LRG1: variants seen among roughly 807,000 people sequenced by gnomAD.
LRG1 encodes the protein leucine rich alpha-2-glycoprotein 1.
LRG1 carries 1 observed loss-of-function variant against 2.4 expected under a neutral mutation model. The observed-to-expected ratio is 0.41, with a 90% CI of 0.15 to 1.95. LRG1 has a LOEUF of 1.95. Among genes scored for constraint, LRG1 ranks in the 30% most tolerant of loss-of-function variants. The probability of loss-of-function intolerance (pLI) is 0.30; values close to 1 mark genes in which losing one functional copy is unlikely to be tolerated. For synonymous variants in LRG1, 226 were observed against 210.6 expected (o/e 1.07, Z -0.63); for missense variants, 425 against 436.9 (o/e 0.97, Z 0.24).
rs1354717879 is a variant in LRG1, at chr19:4,537,631, G to C, written c.*309C>G. Reference sequence around the variant, plus strand: ...CGCCCAGGCTAGAGTGCAGTGGCACGATCTTGGCTCACCGCAAGCTCCGCC... The same window carrying C: ...CGCCCAGGCTAGAGTGCAGTGGCACCATCTTGGCTCACCGCAAGCTCCGCC... On this transcript the variant is annotated 3_prime_UTR_variant, in exon 2 of 2. Transcript: ENST00000306390. 2 of 355,188 alleles carry C rather than the reference G, an allele frequency of 5.6e-6. No homozygotes were observed. Among genetic ancestry groups the C allele is most frequent in the Admixed American group, 8.8e-5 (2 of 22,720 alleles). 22.0% of individuals were successfully genotyped at this position (355,188 alleles called of 1,614,324 possible).
At position 4,540,024 on chromosome 19, in the gene LRG1, C is replaced by A. The variant is rs773810812; in HGVS notation, c.-11G>T. 3.1e-6 allele frequency: 5 copies of A among 1,613,948 alleles called. No homozygotes were observed. In the South Asian group the frequency reaches 5.5e-5, roughly 18 times the overall value. On this transcript the variant is annotated 5_prime_UTR_variant, in exon 1 of 2. Transcript: ENST00000306390. Reference sequence around the variant, plus strand: ...GCTCCAAGAGGACATGGTAGCTCTGCTCTTTTGCTTCTGGGTTGTCCTGGC... The same window carrying A: ...GCTCCAAGAGGACATGGTAGCTCTGATCTTTTGCTTCTGGGTTGTCCTGGC...
rs907857751 is a variant in LRG1, at chr19:4,537,805, G to C, written c.*135C>G. On this transcript the variant is annotated 3_prime_UTR_variant, in exon 2 of 2. Coordinates refer to ENST00000306390, the MANE Select transcript of LRG1 (RefSeq NM_052972.3). ...GATGGTCTCGATCTCCTGACCTCGT[G>C]ATCCGCCCACCTGGGCCTCCCAAAG... The C allele has an allele frequency of 2.2e-6, 2 of 924,024 alleles. No homozygotes were observed. The highest frequency in any genetic ancestry group is 5.3e-5 in the East Asian group (2 of 37,694). 57.2% of individuals were successfully genotyped at this position (924,024 alleles called of 1,614,324 possible).
In LRG1 at chr19:4,537,855, C is replaced by T; in HGVS notation, c.*85G>A. 1 of 1,468,754 alleles carries T rather than the reference C, an allele frequency of 6.8e-7. No individual in the cohort carries two copies. The highest frequency in any genetic ancestry group is 9.1e-7 in the Non-Finnish European group (1 of 1,100,996). 91.0% of individuals were successfully genotyped at this position (1,468,754 alleles called of 1,614,324 possible). On this transcript the variant is annotated 3_prime_UTR_variant, in exon 2 of 2. Coordinates refer to ENST00000306390, the MANE Select transcript of LRG1 (RefSeq NM_052972.3). ...GTGCTGGGATTACAGGCGTGAGCCCCCGCACCCGGCCAAAGGCAGGATTAT... is the reference window on the plus strand; with the variant it reads ...GTGCTGGGATTACAGGCGTGAGCCCTCGCACCCGGCCAAAGGCAGGATTAT...
Position 4,538,421 on chromosome 19 carries a change from G to A in LRG1, c.563C>T (p.Thr188Ile), listed in dbSNP as rs1976973234. 2 of 1,614,020 alleles carry A rather than the reference G, an allele frequency of 1.2e-6. No individual in the cohort carries two copies. Among genetic ancestry groups the A allele is most frequent in the Non-Finnish European group, 1.7e-6 (2 of 1,180,050 alleles). ...CCCAAGGTCAAGGGTGCGCAGGAGG[G>A]TGAAGTTGGCCAGCAGCCCGGGGGG... is the stretch of plus-strand genomic sequence containing the variant. ...KLPPGLLANFTLLRTLDLGEN... is the reference protein window; with the variant it reads ...KLPPGLLANFILLRTLDLGEN... The change falls in exon 2 of 2, where the codon ACC (threonine) becomes ATC (isoleucine). Residue 188 changes from threonine to isoleucine, a missense_variant. By Grantham distance (89) the Thr-to-Ile change is moderately conservative (BLOSUM62 -1). Coordinates refer to ENST00000306390, the MANE Select transcript of LRG1 (RefSeq NM_052972.3).
In LRG1 at chr19:4,538,296, C is replaced by G. The variant is rs537059680; in HGVS notation, c.688G>C (p.Asp230His). Residue 230 changes from aspartate to histidine, a missense_variant, in exon 2 of 2, where the codon GAT (aspartate) becomes CAT (histidine). Physicochemically the swap from Asp to His is moderately conservative, Grantham distance 81. Transcript: ENST00000306390. ...EGNKLQVLGK[D>H]LLLPQPDLRY... ...AGGTCCGGCTGCGGCAAGAGGAGATCTTTTCCCAGTACTTGCAATTTGTTG... is the reference window on the plus strand; with the variant it reads ...AGGTCCGGCTGCGGCAAGAGGAGATGTTTTCCCAGTACTTGCAATTTGTTG... 99 of 1,614,248 alleles carry G rather than the reference C, an allele frequency of 6.1e-5. No homozygotes were observed. In the African/African-American group the frequency reaches 1.1e-3, roughly 19 times the overall value.
chr19:4,537,862 C>T lies in LRG1; in HGVS notation c.*78G>A, dbSNP rs1352351051. ...GATTACAGGCGTGAGCCCCCGCACCCGGCCAAAGGCAGGATTATTTGTTAA... is the reference window on the plus strand; with the variant it reads ...GATTACAGGCGTGAGCCCCCGCACCTGGCCAAAGGCAGGATTATTTGTTAA... On this transcript the variant is annotated 3_prime_UTR_variant, in exon 2 of 2. Transcript: ENST00000306390. 1.5e-5 allele frequency: 23 copies of T among 1,495,698 alleles called. No individual in the cohort carries two copies. Among genetic ancestry groups the T allele is most frequent in the Admixed American group, 8.4e-5 (4 of 47,542 alleles). 92.7% of individuals were successfully genotyped at this position (1,495,698 alleles called of 1,614,324 possible).
In LRG1 at chr19:4,538,098, T is replaced by C. The variant is rs573940718; in HGVS notation, c.886A>G (p.Ile296Val). 1 of 1,614,154 alleles carries C rather than the reference T, an allele frequency of 6.2e-7. No homozygotes were observed. The highest frequency in any genetic ancestry group is 1.1e-5 in the South Asian group (1 of 91,086). ...PNWDMRDGFD[I>V]SGNPWICDQN... is the part of the protein sequence containing the mutation. ...TCACAGATCCAGGGGTTGCCGGAGA[T>C]GTCGAAGCCATCCCGCATGTCCCAG... Residue 296 changes from isoleucine (I) to valine (V), a missense_variant, in exon 2 of 2, where the codon ATC (isoleucine) becomes GTC (valine). Coordinates refer to ENST00000306390, the MANE Select transcript of LRG1 (RefSeq NM_052972.3).
intron 1 of LRG1, among the ~76,000 whole-genome samples, chr19:4,539,428 C>A (rs542331208): frequency 2.0e-3 from 305 of 152,340 alleles, no homozygotes; most frequent in Non-Finnish European, 3.5e-3. Flanking sequence ...GCTCTGGGAT[C>A]CTGGTCTTTT....
Position 4,537,991 on chromosome 19 carries a change from C to T in LRG1, c.993G>A (p.Gly331=). ...GCGTCTGGCCCTTCACGGCTTCAGG[C>T]CCAGCACAGCGCGTGTCATTCTGGG... The part of the protein sequence containing the change: ...MFSQNDTRCA[G]PEAVKGQTLL... The change falls in exon 2 of 2, where the codon GGG becomes GGA. Residue 331 remains glycine, a synonymous_variant. Transcript: ENST00000306390. 1.2e-6 allele frequency: 2 copies of T among 1,613,800 alleles called. No homozygotes were observed. Among genetic ancestry groups the T allele is most frequent in the Non-Finnish European group, 1.7e-6 (2 of 1,180,026 alleles).
At chr19:4,539,853 AG>A in intron 1 of LRG1, 128 bp downstream of exon 1, 1 of 1,056,280 alleles carries the variant, frequency 9.5e-7, no homozygotes, top group South Asian at 1.3e-5. Context: ...GTCACAGATA[AG>A]GTTGATCTGT....
At chr19:4,539,952 C>A in intron 1 of LRG1, 30 bp downstream of exon 1, 2 of 1,614,104 alleles carry the variant, frequency 1.2e-6, no homozygotes, top group Non-Finnish European at 1.7e-6. Context: ...GCGTTCAAAC[C>A]TGCCTAGGAC....
In LRG1 at chr19:4,538,142, G is replaced by T; in HGVS notation, c.842C>A (p.Ala281Glu). 1 of 1,614,092 alleles carries T rather than the reference G, an allele frequency of 6.2e-7. No individual in the cohort carries two copies. Among genetic ancestry groups the T allele is most frequent in the East Asian group, 2.2e-5 (1 of 44,884 alleles). The part of the protein sequence containing the change: ...SLASVPEGLW[A>E]SLGQPNWDMR... ...GTCCCAGTTTGGCTGCCCTAGGGAT[G>T]CCCAGAGCCCCTCGGGCACGCTGGC... Residue 281 changes from alanine (A) to glutamate (E), a missense_variant, in exon 2 of 2, where the codon GCA (alanine) becomes GAA (glutamate). Physicochemically the swap from Ala to Glu is moderately radical, Grantham distance 107 (BLOSUM62 -1). Transcript: ENST00000306390.
intron 1 of LRG1, 57 bp downstream of exon 1, chr19:4,539,925 T>C (rs1976992700): frequency 1.2e-6 from 2 of 1,604,950 alleles, no homozygotes; most frequent in Non-Finnish European, 1.7e-6. Flanking sequence ...GAATGTCCTG[T>C]ATCTCCGCAT....
rs1976951619 is a variant in LRG1, at chr19:4,536,852, GCCC to G, written c.*1085_*1087del. The G allele has an allele frequency of 6.7e-6, 1 of 148,436 alleles. No homozygotes were observed. The highest frequency in any genetic ancestry group is 1.9e-4 in the East Asian group (1 of 5,192). The allele number at this position is 148,436 out of a possible 1,614,324, so 9.2% of individuals were successfully genotyped here. On this transcript the variant is annotated 3_prime_UTR_variant, in exon 2 of 2. Transcript: ENST00000306390. ...CTGCTCATCCCTTCAGCCCCATCCT[GCCC>G]CTGCAACCTTGCCCGGGGGCAGGTG...
In LRG1 at chr19:4,536,555, C is replaced by G. The variant is rs1290278271; in HGVS notation, c.*1385G>C. Reference sequence around the variant, plus strand: ...TCCCAAGTAGCTGGTATTACAGGCACGTGCCACTGTGCCTGGCTAATTTTT... The same window carrying G: ...TCCCAAGTAGCTGGTATTACAGGCAGGTGCCACTGTGCCTGGCTAATTTTT... On this transcript the variant is annotated 3_prime_UTR_variant, in exon 2 of 2. Transcript: ENST00000306390. The G allele has an allele frequency of 6.6e-6, 1 of 152,226 alleles. No individual in the cohort carries two copies. Among genetic ancestry groups the G allele is most frequent in the Non-Finnish European group, 1.5e-5 (1 of 68,090 alleles). The allele number at this position is 152,226 out of a possible 1,614,324, so 9.4% of individuals were successfully genotyped here.
In LRG1 at chr19:4,538,823, A is replaced by T. The variant is rs773181943; in HGVS notation, c.161T>A (p.Ile54Asn). 1 of 1,600,740 alleles carries T rather than the reference A, an allele frequency of 6.2e-7. No homozygotes were observed. The change falls in exon 2 of 2, where the codon ATC becomes AAC. Residue 54 changes from isoleucine (I) to asparagine (N), a missense_variant. Coordinates refer to ENST00000306390, the MANE Select transcript of LRG1 (RefSeq NM_052972.3). ...GATTTCGGCAGGTGGTTGACAGGAG[A>T]TGGAGCTGCCATGGTCTGAGCGGAA... ...QVFRSDHGSSISCQPPAEIPG... is the reference protein window; with the variant it reads ...QVFRSDHGSSNSCQPPAEIPG...
rs764428545 is a variant in LRG1, at chr19:4,538,443, G to A, written c.541C>T (p.Pro181Ser). ...LSGNRLRKLP[P>S]GLLANFTLLR... ...AGGGTGAAGTTGGCCAGCAGCCCGG[G>A]GGGCAGTTTCCGGAGGCGGTTCCCA... is the stretch of plus-strand genomic sequence containing the variant. The change falls in exon 2 of 2, where the codon CCC becomes TCC. Residue 181 changes from proline (P) to serine (S), a missense_variant. Physicochemically the swap from Pro to Ser is moderately conservative, Grantham distance 74. Coordinates refer to ENST00000306390, the MANE Select transcript of LRG1 (RefSeq NM_052972.3). 2 of 1,613,960 alleles carry A rather than the reference G, an allele frequency of 1.2e-6. No individual in the cohort carries two copies. Among genetic ancestry groups the A allele is most frequent in the East Asian group, 2.2e-5 (1 of 44,878 alleles).
In LRG1 at chr19:4,538,229, G is replaced by A. The variant is rs1361908304; in HGVS notation, c.755C>T (p.Ala252Val). The A allele has an allele frequency of 1.9e-6, 3 of 1,613,906 alleles. No individual in the cohort carries two copies. Among genetic ancestry groups the A allele is most frequent in the Non-Finnish European group, 2.5e-6 (3 of 1,180,032 alleles). ...CCGCAGGCCCTGGAAGGCACCGGCT[G>A]CCACCCTGGCCAGCTTGTTGCCGTT... ...FLNGNKLARV[A>V]AGAFQGLRQL... is the part of the protein sequence containing the mutation. The change falls in exon 2 of 2, where the codon GCA (alanine) becomes GTA (valine). Residue 252 changes from alanine (A) to valine (V), a missense_variant. Physicochemically the swap from Ala to Val is moderately conservative, Grantham distance 64 (BLOSUM62 0). Coordinates refer to ENST00000306390, the MANE Select transcript of LRG1 (RefSeq NM_052972.3).
chr19:4,539,165 T>G, intron 1 of LRG1: 2 of 401,054 alleles, frequency 5.0e-6, no homozygotes, highest in East Asian at 3.7e-5. Flanking sequence ...GTGGCCCCTG[T>G]TCCAGGGAGA....
Sources: gnomAD v4.1 joint callset for allele counts (sites outside exome capture counted in the v4.1 genomes callset) on GRCh38, gnomAD v4.1.1 for gene constraint, MANE v1.5 for transcripts, NCBI Gene and HGNC (gene_info 2026-07-23, HGNC 2026-07-21) for gene names.